Variants in ACTMAP observed in about 807,000 individuals in gnomAD.
ACTMAP encodes the protein UPF0692 protein C19orf54.
chr19:40,747,293 T>C, the ACTMAP span, among the ~76,000 whole-genome samples: 12 of 151,808 alleles, frequency 7.9e-5, no homozygotes, highest in South Asian at 2.1e-4. Flanking sequence ...TCCCAGCACT[T>C]TGGGAGGCTG....
the ACTMAP span, chr19:40,742,096 GA>G: frequency 1.9e-6 from 1 of 533,870 alleles, no homozygotes; most frequent in Non-Finnish European, 3.6e-6. Flanking sequence ...GGGGTGAGCT[GA>G]GGCTGACGCA....
chr19:40,746,675 C>T, the ACTMAP span, among the ~76,000 whole-genome samples: 2 of 151,982 alleles, frequency 1.3e-5, no homozygotes, highest in Non-Finnish European at 2.9e-5. Flanking sequence ...GCACCCGGCC[C>T]TTTTTTGTAT....
the ACTMAP span, chr19:40,741,430 G>A: frequency 1.5e-3 from 303 of 204,810 alleles, no homozygotes; most frequent in African/African-American, 8.2e-3. Flanking sequence ...ACGACAGAAC[G>A]AGACTCCATC....
chr19:40,744,122 G>A, the ACTMAP span: 1 of 1,613,212 alleles, frequency 6.2e-7, no homozygotes, highest in South Asian at 1.1e-5. Flanking sequence ...TCTCTGTTGG[G>A]ACCGCCCAGG....
chr19:40,745,185 G>C, the ACTMAP span: 1 of 1,551,854 alleles, frequency 6.4e-7, no homozygotes. Context: ...ATCCACCGCA[G>C]GTCACCTCGG....
the ACTMAP span, chr19:40,742,459 G>A: frequency 1.0e-5 from 15 of 1,467,524 alleles, no homozygotes; most frequent in Non-Finnish European, 1.1e-5. Flanking sequence ...TGTGGTGTGA[G>A]GAGCAGGGCC....
chr19:40,749,553 G>C, the ACTMAP span: 4 of 1,551,238 alleles, frequency 2.6e-6, no homozygotes, highest in East Asian at 2.4e-5. Flanking sequence ...CTTATCAAAG[G>C]CCTCCTTCAG....
At chr19:40,745,584 G>A in the ACTMAP span, among the ~76,000 whole-genome samples, 530 of 152,150 alleles carry the variant, frequency 3.5e-3, 5 homozygotes, top group African/African-American at 0.012. Flanking sequence ...CTGCAGCCTC[G>A]ACCTCCCAGG....
chr19:40,748,294 C>G, the ACTMAP span, among the ~76,000 whole-genome samples: 56 of 151,956 alleles, frequency 3.7e-4, no homozygotes, highest in African/African-American at 1.3e-3. Context: ...CAAACCCTGT[C>G]TCTACTAAAA....
At chr19:40,749,422 G>A in the ACTMAP span, 17 of 1,184,460 alleles carry the variant, frequency 1.4e-5, no homozygotes, top group Non-Finnish European at 1.5e-5. Context: ...CCCACCCCAA[G>A]AGATCTGTGA....
chr19:40,744,013 C>T, the ACTMAP span: 2 of 1,613,900 alleles, frequency 1.2e-6, no homozygotes, highest in Admixed American at 3.3e-5. Flanking sequence ...TGGTGTGGCC[C>T]TGGGACCCAC....
the ACTMAP span, among the ~76,000 whole-genome samples, chr19:40,745,792 CCTCCCGAGTAGCTGGGATTACAGG>C: frequency 6.6e-6 from 1 of 152,230 alleles, no homozygotes; most frequent in African/African-American, 2.4e-5. Flanking sequence ...CCTGCCTCAG[CCTCCCGAGTAGCTGGGATTACAGG>C]CATGCGCCAC....
chr19:40,742,100 C>A, the ACTMAP span: 1 of 538,358 alleles, frequency 1.9e-6, no homozygotes, highest in East Asian at 4.6e-5. Flanking sequence ...TGAGCTGAGG[C>A]TGACGCAGTT....
chr19:40,744,923 C>A, the ACTMAP span: 1 of 796,116 alleles, frequency 1.3e-6, no homozygotes. Context: ...GAGAGATGGA[C>A]CAGGCTCATT....
chr19:40,745,940 G>A, the ACTMAP span, among the ~76,000 whole-genome samples: 591 of 152,260 alleles, frequency 3.9e-3, 5 homozygotes, highest in African/African-American at 0.013. Flanking sequence ...CCAAAGTGCT[G>A]GGGATTATAG....
chr19:40,749,712 A>T, the ACTMAP span: 1 of 1,516,862 alleles, frequency 6.6e-7, no homozygotes, highest in Non-Finnish European at 8.8e-7. Flanking sequence ...ACTTGGGGGT[A>T]GAGGAGGAGA....
chr19:40,741,783 C>G, the ACTMAP span: 3 of 456,524 alleles, frequency 6.6e-6, no homozygotes, highest in Non-Finnish European at 1.3e-5. Context: ...GTCCATCTAG[C>G]ACCCCCCTTA....
At chr19:40,745,166 C>G in the ACTMAP span, 1 of 1,551,856 alleles carries the variant, frequency 6.4e-7, no homozygotes. Flanking sequence ...CAGGTCTGCA[C>G]AGAAGAGGAT....
chr19:40,747,357 C>G, the ACTMAP span, among the ~76,000 whole-genome samples: 1 of 151,464 alleles, frequency 6.6e-6, no homozygotes, highest in Non-Finnish European at 1.5e-5. Context: ...GCCAACAAGA[C>G]GACAGCCCGT....
Sources: allele counts gnomAD v4.1 joint callset (sites outside exome capture counted in the v4.1 genomes callset), GRCh38; gene constraint gnomAD v4.1.1; transcripts MANE v1.5; gene names NCBI Gene and HGNC (gene_info 2026-07-23, HGNC 2026-07-21).